The following GRIP2 variants were observed in gnomAD, a reference collection of about 807,000 sequenced individuals.
GRIP2 encodes glutamate receptor-interacting protein 2.
A neutral mutation model predicts 108.3 loss-of-function variants in GRIP2; 58 were observed. The observed-to-expected ratio is 0.54, with a 90% CI of 0.43 to 0.67. The LOEUF (loss-of-function observed/expected upper bound fraction) is 0.67. Ranked by LOEUF, GRIP2 falls within the 30% of genes least tolerant of loss-of-function variation. The pLI, the probability that GRIP2 is intolerant of heterozygous loss-of-function variation, is 0.00. For missense variants in GRIP2, 1,278 were observed against 1,430.6 expected (o/e 0.89, Z 1.72); for synonymous variants, 586 against 598.2 (o/e 0.98, Z 0.30).
rs539217286 is a variant in GRIP2, at chr3:14,495,204, C to T, written c.2824-215G>A. On this transcript the variant is annotated intron_variant, in intron 22 of 23. Transcript: ENST00000621039. ...AGCAGATGCTCCAGGCCACAACACT[C>T]AAGTACGACGGAGCCCTTAGGAGTG... Among the ~76,000 whole-genome samples the T allele has an allele frequency of 3.5e-4, 53 of 152,048 alleles. 1 individual carries two copies. The South Asian group carries it at 0.011, about 31-fold the overall frequency.
the GRIP2 span, chr3:14,574,771 T>C: frequency 5.2e-4 from 203 of 389,674 alleles, no homozygotes; most frequent in African/African-American, 3.9e-3. Context: ...TGGAAGCTCA[T>C]CTTGGCCACC....
At chr3:14,517,494 CTT>C (rs146509076) in intron 10 of GRIP2, among the ~76,000 whole-genome samples, 2,796 of 107,718 alleles carry the variant, frequency 0.026, 178 homozygotes, top group African/African-American at 0.098. Flanking sequence ...ATCTCTCTCT[CTT>C]TTTTTTTTTT....
At chr3:14,538,649 G>A (rs1054754216) in intron 1 of GRIP2, among the ~76,000 whole-genome samples, 1 of 152,222 alleles carries the variant, frequency 6.6e-6, no homozygotes, top group African/African-American at 2.4e-5. Flanking sequence ...CTGTGACCTG[G>A]GGAGGAGACC....
intron 4 of GRIP2, 176 bp downstream of exon 4, chr3:14,524,217 A>G: frequency 1.5e-6 from 1 of 646,914 alleles, no homozygotes. Flanking sequence ...TCCTGGTGAC[A>G]GCATACTGCG....
chr3:14,541,661 G>A (rs150715195), upstream of GRIP2, among the ~76,000 whole-genome samples: 427 of 152,316 alleles, frequency 2.8e-3, 1 homozygote, highest in African/African-American at 9.9e-3. Flanking sequence ...CTGCCCTGCC[G>A]CCCACTTCCT....
At chr3:14,573,371 G>T in the GRIP2 span, 37 of 1,332,690 alleles carry the variant, frequency 2.8e-5, no homozygotes, top group Non-Finnish European at 3.9e-5. Flanking sequence ...GCTTCTCCAG[G>T]TCCCGCGGGA....
chr3:14,551,031 G>C (rs563752709), intron 1 of GRIP2, among the ~76,000 whole-genome samples: 1 of 152,200 alleles, frequency 6.6e-6, no homozygotes, highest in Non-Finnish European at 1.5e-5. Context: ...AGCGGGAGGG[G>C]GGAGGCAGCA....
At chr3:14,548,956 C>T (rs1470737030) in intron 1 of GRIP2, among the ~76,000 whole-genome samples, 1 of 152,210 alleles carries the variant, frequency 6.6e-6, no homozygotes, top group Non-Finnish European at 1.5e-5. Context: ...CAGAGGCCCA[C>T]CCTGGCCATG....
At chr3:14,526,438 C>A (rs549392716) in intron 1 of GRIP2, among the ~76,000 whole-genome samples, 2 of 152,176 alleles carry the variant, frequency 1.3e-5, no homozygotes, top group Non-Finnish European at 2.9e-5. Flanking sequence ...CTGACCGAGA[C>A]GAAACTCAAT....
At chr3:14,495,927 T>C (rs1243658411) in intron 22 of GRIP2, among the ~76,000 whole-genome samples, 1 of 152,064 alleles carries the variant, frequency 6.6e-6, no homozygotes, top group Non-Finnish European at 1.5e-5. Context: ...GGGCAGATCA[T>C]TTGAACCCAG....
chr3:14,507,427 T>C lies in GRIP2; in HGVS notation c.2218+134A>G. ...TCACTTCCCTCTCTGAGTCTTATCTTCTTTGCCATCGCAGGCCCGCCTCCA... is the reference window on the plus strand; with the variant it reads ...TCACTTCCCTCTCTGAGTCTTATCTCCTTTGCCATCGCAGGCCCGCCTCCA... On this transcript the variant is annotated intron_variant, in intron 18 of 23. Transcript: ENST00000621039. This position sits in a 1 kb window ranked among gnomAD's most constrained non-coding sequence, Gnocchi z 4.6. 3 of 1,088,278 alleles carry C rather than the reference T, an allele frequency of 2.8e-6. No individual in the cohort carries two copies. The South Asian group carries it at 4.6e-5, about 17-fold the overall frequency. 67.4% of individuals were successfully genotyped at this position (1,088,278 alleles called of 1,614,324 possible).
chr3:14,523,839 C>T (rs1432774855), intron 4 of GRIP2, 141 bp from the exon 5 acceptor site: 5 of 652,878 alleles, frequency 7.7e-6, no homozygotes, highest in Non-Finnish European at 1.4e-5. Context: ...TTTTACAGGT[C>T]GAACAAGTGA....
chr3:14,592,963 G>A, the GRIP2 span, among the ~76,000 whole-genome samples: 1,045 of 152,240 alleles, frequency 6.9e-3, 15 homozygotes, highest in African/African-American at 0.024. Context: ...ACAAGGACAC[G>A]GAGCCACAAT....
chr3:14,503,407 T>C (rs1465393894), intron 21 of GRIP2, among the ~76,000 whole-genome samples, 159 bp downstream of exon 21: 2 of 152,228 alleles, frequency 1.3e-5, no homozygotes, highest in Non-Finnish European at 2.9e-5. Context: ...AGTCTGTACA[T>C]ATGTGAAGAC....
chr3:14,585,056 G>A, the GRIP2 span, among the ~76,000 whole-genome samples: 4 of 152,154 alleles, frequency 2.6e-5, no homozygotes, highest in East Asian at 1.9e-4. Flanking sequence ...ATGGAGTCTC[G>A]CTCTGTTGCT....
the GRIP2 span, among the ~76,000 whole-genome samples, chr3:14,586,707 T>G: frequency 6.6e-6 from 1 of 152,206 alleles, no homozygotes; most frequent in Non-Finnish European, 1.5e-5. Context: ...CTATATGAAT[T>G]GCATGATAGA....
At chr3:14,557,695 C>CTG (rs1395616579), upstream of GRIP2, among the ~76,000 whole-genome samples, 2 of 152,252 alleles carry the variant, frequency 1.3e-5, no homozygotes, top group Non-Finnish European at 2.9e-5. Context: ...TAGCCCCTGT[C>CTG]CCATCCCCAC....
At chr3:14,575,058 G>T in the GRIP2 span, among the ~76,000 whole-genome samples, 1 of 152,174 alleles carries the variant, frequency 6.6e-6, no homozygotes, top group South Asian at 2.1e-4. Flanking sequence ...GAGCAGGAGT[G>T]GGATGTGATT....
the GRIP2 span, among the ~76,000 whole-genome samples, chr3:14,586,111 G>A: frequency 6.6e-6 from 1 of 152,182 alleles, no homozygotes; most frequent in Non-Finnish European, 1.5e-5. Context: ...CTTTGCTCCT[G>A]TGGTTCCCTC....
Sources: gnomAD v4.1 joint callset for allele counts (sites outside exome capture counted in the v4.1 genomes callset) on GRCh38, gnomAD v4.1.1 for gene constraint, Gnocchi (gnomAD v3.1) non-coding constraint, MANE v1.5 for transcripts, NCBI Gene and HGNC (gene_info 2026-07-23, HGNC 2026-07-21) for gene names.